MAF: variants seen among roughly 807,000 people sequenced by gnomAD.
MAF encodes MAF bZIP transcription factor, also known as transcription factor Maf.
MAF carries 10 observed loss-of-function variants against 22.0 expected under a neutral mutation model. The observed-to-expected ratio is 0.45, with a 90% CI of 0.28 to 0.77. MAF has a LOEUF of 0.77. MAF is among the 30% of genes least tolerant of loss of function. MAF has a pLI of 0.12. For missense variants in MAF, 544 were observed against 548.4 expected, an observed-to-expected ratio of 0.99 and a Z score of 0.08; for synonymous variants, 337 against 255.8, an observed-to-expected ratio of 1.32 and a Z score of -3.03.
the MAF span, among the ~76,000 whole-genome samples, chr16:79,470,393 C>G: frequency 2.0e-5 from 3 of 152,144 alleles, no homozygotes; most frequent in African/African-American, 7.2e-5. Context: ...GCCCAGGGGA[C>G]CAGGATGGCA....
Position 79,593,850 on chromosome 16 carries a change from A to C in MAF, c.*610T>G, listed in dbSNP as rs1913332310. The C allele has an allele frequency of 5.5e-6, 1 of 182,980 alleles. No homozygotes were observed. The highest frequency in any genetic ancestry group is 8.9e-5 in the East Asian group (1 of 11,226). The allele number at this position is 182,980 out of a possible 1,614,324, so 11.3% of individuals were successfully genotyped here. ...CACACAGAGGGTGTGTATTTAACTAACTTTGTATTTTGCCACACATTGTTT... is the reference window on the plus strand; with the variant it reads ...CACACAGAGGGTGTGTATTTAACTACCTTTGTATTTTGCCACACATTGTTT... On this transcript the variant is annotated 3_prime_UTR_variant, in exon 2 of 2. Transcript: ENST00000326043.
the MAF span, among the ~76,000 whole-genome samples, chr16:79,391,634 C>G: frequency 6.6e-6 from 1 of 152,074 alleles, no homozygotes; most frequent in Non-Finnish European, 1.5e-5. Flanking sequence ...GAGTTCAGGT[C>G]CCCCCGGGGT....
intron 1 of MAF, among the ~76,000 whole-genome samples, chr16:79,588,232 A>C (rs1204275525): frequency 2.6e-5 from 4 of 152,142 alleles, no homozygotes; most frequent in Non-Finnish European, 4.4e-5. Flanking sequence ...GGCTGTCAGC[A>C]TGTGTCTCCA....
chr16:79,308,853 C>G, the MAF span, among the ~76,000 whole-genome samples: 28,170 of 152,078 alleles, frequency 0.19, 3,220 homozygotes, highest in African/African-American at 0.31. Flanking sequence ...GGTCCACGCT[C>G]CTTTCCTAAC....
chr16:79,507,225 T>A, the MAF span, among the ~76,000 whole-genome samples: 1 of 151,404 alleles, frequency 6.6e-6, no homozygotes, highest in African/African-American at 2.4e-5. Context: ...GCCATTCTCT[T>A]GCCTCAGCCT....
the MAF span, among the ~76,000 whole-genome samples, chr16:79,406,616 T>C: frequency 2.0e-5 from 3 of 152,212 alleles, 1 homozygote; most frequent in Non-Finnish European, 2.9e-5. Context: ...CCATAGGTCC[T>C]ACCTCCAAAT....
the MAF span, among the ~76,000 whole-genome samples, chr16:79,311,558 G>T: frequency 0.011 from 1,719 of 151,802 alleles, 23 homozygotes; most frequent in African/African-American, 0.039. Context: ...GGCTTTGGAT[G>T]AGTCGGGGTA....
chr16:79,574,960 G>C, the MAF span, among the ~76,000 whole-genome samples: 3 of 151,698 alleles, frequency 2.0e-5, no homozygotes, highest in Non-Finnish European at 4.4e-5. Flanking sequence ...GTAGATAACT[G>C]TGTCCCTGGG....
chr16:79,221,047 T>A, the MAF span, among the ~76,000 whole-genome samples: 2 of 152,228 alleles, frequency 1.3e-5, no homozygotes, highest in Non-Finnish European at 2.9e-5. Context: ...CAAGCTAAAC[T>A]TTGGGTCAGC....
the MAF span, among the ~76,000 whole-genome samples, chr16:79,440,189 G>A: frequency 6.6e-6 from 1 of 152,202 alleles, no homozygotes; most frequent in East Asian, 1.9e-4. Flanking sequence ...GAATGATAAG[G>A]AAGAAAAGCC....
chr16:79,211,589 T>TTTC, the MAF span: 1 of 1,613,968 alleles, frequency 6.2e-7, no homozygotes, highest in East Asian at 2.2e-5. Context: ...TTTTTTTGTC[T>TTTC]TTCTTCTTGG....
the MAF span, among the ~76,000 whole-genome samples, chr16:79,439,257 C>CTT: frequency 1.4e-3 from 183 of 130,760 alleles, 7 homozygotes; most frequent in African/African-American, 1.9e-3. Context: ...TAGGTACTTA[C>CTT]TTTTTTTTTT....
chr16:79,376,170 A>G, the MAF span, among the ~76,000 whole-genome samples: 1 of 151,890 alleles, frequency 6.6e-6, no homozygotes, highest in Non-Finnish European at 1.5e-5. Flanking sequence ...CTTCGTATGT[A>G]TTAAGATTCT....
the MAF span, among the ~76,000 whole-genome samples, chr16:79,423,830 C>T: frequency 6.6e-6 from 1 of 152,126 alleles, no homozygotes; most frequent in Non-Finnish European, 1.5e-5. Flanking sequence ...CTCCACCTTT[C>T]TATTTTGTGA....
At chr16:79,506,194 C>G in the MAF span, among the ~76,000 whole-genome samples, 22 of 152,282 alleles carry the variant, frequency 1.4e-4, no homozygotes, top group Middle Eastern at 3.4e-3. Flanking sequence ...AATATTTACT[C>G]TGTAACCAGC....
the MAF span, among the ~76,000 whole-genome samples, chr16:79,536,132 C>T: frequency 6.6e-6 from 1 of 152,206 alleles, no homozygotes; most frequent in Non-Finnish European, 1.5e-5. Context: ...CTATACTCAA[C>T]ATGATATAGA....
chr16:79,505,294 G>C, the MAF span, among the ~76,000 whole-genome samples: 2 of 152,138 alleles, frequency 1.3e-5, no homozygotes, highest in African/African-American at 2.4e-5. Flanking sequence ...CCCTGCCCCA[G>C]TGTTCCTCTA....
the MAF span, among the ~76,000 whole-genome samples, chr16:79,414,940 A>G: frequency 7.6e-4 from 116 of 152,352 alleles, no homozygotes; most frequent in East Asian, 0.014. Context: ...GGTGTCCCCA[A>G]TCACTGAGGC....
the MAF span, among the ~76,000 whole-genome samples, chr16:79,510,272 C>T: frequency 6.6e-6 from 1 of 152,174 alleles, no homozygotes; most frequent in Non-Finnish European, 1.5e-5. Context: ...TTTGCCTCCT[C>T]TTGGCTTCTT....
Sources: gnomAD v4.1 joint callset for allele counts (sites outside exome capture counted in the v4.1 genomes callset) on GRCh38, gnomAD v4.1.1 for gene constraint, MANE v1.5 for transcripts, NCBI Gene and HGNC (gene_info 2026-07-23, HGNC 2026-07-21) for gene names.